PPP1R13B: variants seen among roughly 807,000 people sequenced by gnomAD.
PPP1R13B encodes the protein apoptosis-stimulating of p53 protein 1.
A neutral mutation model predicts 119.8 loss-of-function variants in PPP1R13B; 44 were observed. The observed-to-expected ratio is 0.37, with a 90% CI of 0.29 to 0.47. The LOEUF is 0.47. Among genes scored for constraint, PPP1R13B ranks in the 20% least tolerant of loss-of-function variants. The pLI is 0.99. For missense variants in PPP1R13B, 1,227 were observed against 1,413.5 expected (o/e 0.87, Z 2.12); for synonymous variants, 542 against 561.5 (o/e 0.97, Z 0.49).
intron 4 of PPP1R13B, among the ~76,000 whole-genome samples, chr14:103,774,479 C>T (rs2152008907): frequency 6.6e-6 from 1 of 152,290 alleles, no homozygotes; most frequent in African/African-American, 2.4e-5. Context: ...ATAATGAGAA[C>T]AAATCAATTT....
chr14:103,789,250 ACT>A lies in PPP1R13B; in HGVS notation c.158-4338_158-4337del, dbSNP rs1394475958. Among the ~76,000 whole-genome samples the A allele has an allele frequency of 3.6e-4, 55 of 151,692 alleles. 1 individual carries two copies. On this transcript the variant is annotated intron_variant, in intron 2 of 16. Coordinates refer to ENST00000202556, the MANE Select transcript of PPP1R13B (RefSeq NM_015316.3). ...TTTTTTTTGGGGGGGATGGAGTCTCACTCTGTCGCCCAGGCTGGAGTGCACTG... is the reference window on the plus strand; with the variant it reads ...TTTTTTTTGGGGGGGATGGAGTCTCACTGTCGCCCAGGCTGGAGTGCACTG...
At chr14:103,848,737 C>T (rs558264473), upstream of PPP1R13B, among the ~76,000 whole-genome samples, 13 of 152,316 alleles carry the variant, frequency 8.5e-5, 1 homozygote, top group South Asian at 2.7e-3. Context: ...GGGAGGAGGC[C>T]AGGGAGCTCC....
chr14:103,816,168 T>C (rs942826614), intron 1 of PPP1R13B, among the ~76,000 whole-genome samples: 117 of 151,954 alleles, frequency 7.7e-4, no homozygotes, highest in African/African-American at 2.7e-3. Context: ...AACAACTTTT[T>C]TTTTTTTTTT....
chr14:103,792,350 G>C (rs1433467701), intron 2 of PPP1R13B, among the ~76,000 whole-genome samples: 2 of 152,036 alleles, frequency 1.3e-5, no homozygotes, highest in African/African-American at 2.4e-5. Flanking sequence ...GCTAATTTTT[G>C]TATTTTTTGT....
chr14:103,818,641 G>T, intron 1 of PPP1R13B: 1 of 256,778 alleles, frequency 3.9e-6, no homozygotes, highest in Non-Finnish European at 6.1e-6. Context: ...ATTTGGGCAA[G>T]TTCCCAGGGG....
intron 4 of PPP1R13B, chr14:103,764,411 A>T (rs2084888668): frequency 3.2e-6 from 1 of 312,892 alleles, no homozygotes; most frequent in Non-Finnish European, 6.4e-6. Flanking sequence ...CTTTGATGAG[A>T]TGTCTATTTT....
Position 103,746,274 on chromosome 14 carries a change from G to A in PPP1R13B, c.1150+99C>T, listed in dbSNP as rs1188176585. On this transcript the variant is annotated intron_variant, in intron 9 of 16. Transcript: ENST00000202556. ...AGCCTGGAGTCTGACGATGTGTGGG[G>A]CAGAGCCTCAGGAGCCTGCCCCACC... The A allele has an allele frequency of 8.4e-6, 9 of 1,077,196 alleles. No homozygotes were observed. The East Asian group carries it at 2.3e-4, about 28-fold the overall frequency. The allele number at this position is 1,077,196 out of a possible 1,614,324, so 66.7% of individuals were successfully genotyped here. A position where few individuals can be genotyped will look rare whatever the true frequency, so the allele number is the denominator to read the frequency against.
At chr14:103,775,053 A>C (rs991526980) in intron 4 of PPP1R13B, among the ~76,000 whole-genome samples, 1 of 152,180 alleles carries the variant, frequency 6.6e-6, no homozygotes, top group East Asian at 1.9e-4. Flanking sequence ...ATTAACAAGA[A>C]AAAACTTCAT....
At chr14:103,776,014 A>C (rs1395366808) in intron 4 of PPP1R13B, among the ~76,000 whole-genome samples, 1 of 151,984 alleles carries the variant, frequency 6.6e-6, no homozygotes, top group East Asian at 1.9e-4. Flanking sequence ...AAATAATGAA[A>C]CTGCTAAATG....
intron 3 of PPP1R13B, 146 bp downstream of exon 3, chr14:103,784,649 A>AAAGTACC (rs2085414770): frequency 1.7e-6 from 1 of 597,910 alleles, no homozygotes. Context: ...AACAGAAGCC[A>AAAGTACC]AAGTAACATG....
In PPP1R13B at chr14:103,738,463, A is replaced by T. The variant is rs1221320698; in HGVS notation, c.2864+216T>A. On this transcript the variant is annotated intron_variant, in intron 14 of 16. Transcript: ENST00000202556. The surrounding 1 kb of genome is among the most constrained non-coding windows in gnomAD (Gnocchi z 5.6). ...GTTAATGACGAGGCACAGAAAGAGC[A>T]TAACCACAGCCACGTTTTTAACAAA... 4 of 667,744 alleles carry T rather than the reference A, an allele frequency of 6.0e-6. No individual in the cohort carries two copies. Among genetic ancestry groups the T allele is most frequent in the Non-Finnish European group, 9.9e-6 (4 of 403,688 alleles). 41.4% of individuals were successfully genotyped at this position (667,744 alleles called of 1,614,324 possible).
intron 1 of PPP1R13B, among the ~76,000 whole-genome samples, chr14:103,815,585 G>A (rs1265028957): frequency 1.3e-5 from 2 of 151,722 alleles, no homozygotes; most frequent in East Asian, 3.9e-4. Context: ...GTGAAACGCT[G>A]TCTCTACTAA....
intron 1 of PPP1R13B, among the ~76,000 whole-genome samples, chr14:103,808,716 A>G (rs901391676): frequency 6.6e-6 from 1 of 152,214 alleles, no homozygotes; most frequent in Non-Finnish European, 1.5e-5. Context: ...GATCATATTA[A>G]GTTCAATTTC....
chr14:103,736,429 G>A, intron 15 of PPP1R13B: 4 of 589,910 alleles, frequency 6.8e-6, no homozygotes, highest in South Asian at 6.1e-5. Flanking sequence ...AAGTCCTGCA[G>A]GACAGACAGG....
chr14:103,797,513 T>C lies in PPP1R13B; in HGVS notation c.15A>G (p.Ile5Met), dbSNP rs1314960449. The C allele has an allele frequency of 2.5e-6, 4 of 1,610,960 alleles. No homozygotes were observed. The highest frequency in any genetic ancestry group is 1.3e-5 in the African/African-American group (1 of 74,956). MMPM[I>M]LTVFLSNNEQ... is the part of the protein sequence containing the mutation. ...CATTGTTGCTCAAGAAAACAGTTAA[T>C]ATCATCTGTAAGACAAAAGAGTAAA... The change falls in exon 2 of 17, where the codon ATA becomes ATG. Residue 5 changes from isoleucine (I) to methionine (M), a missense_variant. Coordinates refer to ENST00000202556, the MANE Select transcript of PPP1R13B (RefSeq NM_015316.3).
chr14:103,766,351 T>A (rs886135889), intron 4 of PPP1R13B, among the ~76,000 whole-genome samples: 11 of 152,228 alleles, frequency 7.2e-5, no homozygotes, highest in African/African-American at 2.6e-4. Flanking sequence ...GTGAGAAAGC[T>A]AAGGCTCTGG....
chr14:103,831,505 T>A (rs976075034), intron 1 of PPP1R13B, among the ~76,000 whole-genome samples: 3 of 148,902 alleles, frequency 2.0e-5, no homozygotes, highest in African/African-American at 7.4e-5. Flanking sequence ...CCGAGAGGGT[T>A]TCCCCATGTT....
intron 3 of PPP1R13B, among the ~76,000 whole-genome samples, chr14:103,782,900 G>C (rs938770848): frequency 2.6e-5 from 4 of 151,956 alleles, no homozygotes; most frequent in Non-Finnish European, 4.4e-5. Flanking sequence ...TGCCTCCCAG[G>C]TTCAAGCGAT....
upstream of PPP1R13B, chr14:103,847,798 A>C (rs1459012478): frequency 1.8e-5 from 4 of 219,484 alleles, no homozygotes. Context: ...CGCAGTGGGC[A>C]CCGGTGGCCT....
Sources: allele counts gnomAD v4.1 joint callset (sites outside exome capture counted in the v4.1 genomes callset), GRCh38; gene constraint gnomAD v4.1.1; non-coding constraint Gnocchi (gnomAD v3.1); transcripts MANE v1.5; gene names NCBI Gene and HGNC (gene_info 2026-07-23, HGNC 2026-07-21).